The following FMNL1 variants were observed in gnomAD, a reference collection of about 807,000 sequenced individuals.
FMNL1 encodes the protein formin like 1, also known as formin-like protein 1.
FMNL1 carries 43 observed loss-of-function variants against 121.3 expected under a neutral mutation model. That is an observed-to-expected ratio of 0.35 (90% CI 0.28 to 0.46). The LOEUF is 0.46. Ranked by LOEUF, FMNL1 falls within the 20% of genes least tolerant of loss-of-function variation. FMNL1 has a pLI of 1.00. For synonymous variants in FMNL1, 613 were observed against 613.5 expected (o/e 1.00, Z 0.01); for missense variants, 1,191 against 1,482.4 (o/e 0.80, Z 3.23).
Position 45,247,060 on chromosome 17 carries a change from G to GC in FMNL1, c.*203dup, listed in dbSNP as rs2043855177. On this transcript the variant is annotated 3_prime_UTR_variant, in exon 27 of 27. Transcript: ENST00000331495. ...GGTGGTCCTCAGCTCGGCTGGCCGGGCAGCCCCTCCTCCGCTGTGGCCCGC... is the reference window on the plus strand; with the variant it reads ...GGTGGTCCTCAGCTCGGCTGGCCGGGCCAGCCCCTCCTCCGCTGTGGCCCGC... 4 of 631,464 alleles carry GC rather than the reference G, an allele frequency of 6.3e-6. No homozygotes were observed. In the East Asian group the frequency reaches 1.1e-4, roughly 17 times the overall value. 39.1% of individuals were successfully genotyped at this position (631,464 alleles called of 1,614,324 possible). A position where few individuals can be genotyped will look rare whatever the true frequency, so the allele number is the denominator to read the frequency against.
intron 2 of FMNL1, among the ~76,000 whole-genome samples, 171 bp downstream of exon 2, chr17:45,230,858 A>C (rs2043422966): frequency 6.6e-6 from 1 of 152,052 alleles, no homozygotes; most frequent in South Asian, 2.1e-4. Context: ...AGGACTCCCA[A>C]ATCCCTTTCT....
intron 17 of FMNL1, 66 bp from the exon 18 acceptor site, chr17:45,243,725 T>G (rs1019042614): frequency 9.7e-6 from 14 of 1,445,842 alleles, no homozygotes; most frequent in African/African-American, 1.4e-5. Context: ...AAGGCAGGGG[T>G]AGCCCTGCTC....
At chr17:45,240,719 CAG>C (rs2043669733) in intron 12 of FMNL1, 94 bp downstream of exon 12, 2 of 1,482,144 alleles carry the variant, frequency 1.3e-6, no homozygotes, top group East Asian at 4.9e-5. Flanking sequence ...GGGCAGCAGA[CAG>C]TGTTATAATT....
rs2043235715 is a variant in FMNL1, at chr17:45,222,028, C to T, written c.-97C>T. 2 of 987,172 alleles carry T rather than the reference C, an allele frequency of 2.0e-6. No individual in the cohort carries two copies. Among genetic ancestry groups the T allele is most frequent in the Non-Finnish European group, 2.5e-6 (2 of 793,094 alleles). 61.2% of individuals were successfully genotyped at this position (987,172 alleles called of 1,614,324 possible). ...CCCCGCCGCCACCGCCAGCCGCTGC[C>T]CCCTCGCCCCCGCCCGGGCCGGGAG... is the stretch of plus-strand genomic sequence containing the variant. On this transcript the variant is annotated 5_prime_UTR_variant, in exon 1 of 27. Coordinates refer to ENST00000331495, the MANE Select transcript of FMNL1 (RefSeq NM_005892.4).
chr17:45,245,212 C>T (rs772234453), intron 21 of FMNL1, 41 bp from the exon 22 acceptor site: 2 of 1,613,378 alleles, frequency 1.2e-6, no homozygotes, highest in South Asian at 1.1e-5. Context: ...AGGGCTGCCT[C>T]TCCGATTCAC....
intron 7 of FMNL1, 88 bp downstream of exon 7, chr17:45,236,332 C>A: frequency 9.0e-7 from 1 of 1,113,438 alleles, no homozygotes; most frequent in Non-Finnish European, 1.3e-6. Flanking sequence ...CTGGGATCCA[C>A]TGTCCCTTTA....
intron 19 of FMNL1, 96 bp from the exon 20 acceptor site, chr17:45,244,723 C>A: frequency 1.5e-6 from 2 of 1,300,064 alleles, no homozygotes; most frequent in Non-Finnish European, 2.1e-6. Context: ...GTGTGTGGGG[C>A]CTGCTCCTTG....
intron 9 of FMNL1, 134 bp from the exon 10 acceptor site, chr17:45,238,430 T>C (rs2043598832): frequency 3.6e-6 from 3 of 843,290 alleles, no homozygotes; most frequent in Non-Finnish European, 5.6e-6. Context: ...GAGTGGAGGT[T>C]TTGAGCAGAA....
chr17:45,226,972 A>G (rs2043341153), intron 1 of FMNL1, among the ~76,000 whole-genome samples: 1 of 152,178 alleles, frequency 6.6e-6, no homozygotes, highest in Admixed American at 6.5e-5. Flanking sequence ...CCAAAGTTTA[A>G]AAAAGGAGGT....
At chr17:45,230,889 T>C (rs924216518) in intron 2 of FMNL1, among the ~76,000 whole-genome samples, 21 of 152,140 alleles carry the variant, frequency 1.4e-4, no homozygotes, top group Admixed American at 2.0e-4. Flanking sequence ...CCAAAAGACC[T>C]TGTGAGTCAC....
chr17:45,245,362 G>A lies in FMNL1; in HGVS notation c.2838G>A (p.Leu946=), dbSNP rs769665918. Residue 946 remains leucine (L), a synonymous_variant, in exon 22 of 27, where the codon CTG becomes CTA. Transcript: ENST00000331495. ...QDDCMVLKEF[L]RANSPTMDKL... Reference sequence around the variant, plus strand: ...ACTGCATGGTGCTCAAGGAGTTCCTGAGGGCCAACTCGCCCACCATGGACA... The same window carrying A: ...ACTGCATGGTGCTCAAGGAGTTCCTAAGGGCCAACTCGCCCACCATGGACA... 1 of 1,614,206 alleles carries A rather than the reference G, an allele frequency of 6.2e-7. No homozygotes were observed. Among genetic ancestry groups the A allele is most frequent in the Admixed American group, 1.7e-5 (1 of 60,030 alleles).
chr17:45,233,213 T>C lies in FMNL1; in HGVS notation c.328-11T>C. On this transcript the variant is annotated splice_polypyrimidine_tract_variant and intron_variant, in intron 3 of 26. Transcript: ENST00000331495. The surrounding 1 kb of genome is among the most constrained non-coding windows in gnomAD (Gnocchi z 4.1). ...CTCCACCCACCAGCCTTCCCTGTTCTCGGTCCCCAGTTTAAGAGGCGAGTT... is the reference window on the plus strand; with the variant it reads ...CTCCACCCACCAGCCTTCCCTGTTCCCGGTCCCCAGTTTAAGAGGCGAGTT... 1 of 1,553,798 alleles carries C rather than the reference T, an allele frequency of 6.4e-7. No homozygotes were observed. Among genetic ancestry groups the C allele is most frequent in the Non-Finnish European group, 8.7e-7 (1 of 1,148,318 alleles).
At chr17:45,244,684 G>A (rs1598212247) in intron 19 of FMNL1, 135 bp from the exon 20 acceptor site, 5 of 852,386 alleles carry the variant, frequency 5.9e-6, no homozygotes, top group Non-Finnish European at 7.4e-6. Context: ...GGATCTGAGG[G>A]GCCTGTGCAG....
chr17:45,235,749 A>G (rs767278417), intron 6 of FMNL1, among the ~76,000 whole-genome samples: 2 of 152,198 alleles, frequency 1.3e-5, no homozygotes, highest in Non-Finnish European at 2.9e-5. Flanking sequence ...TAAGTGACTT[A>G]TCCAGTAAAT....
chr17:45,246,801 C>A, intron 26 of FMNL1, 66 bp from the exon 27 acceptor site: 1 of 700,164 alleles, frequency 1.4e-6, no homozygotes, highest in Non-Finnish European at 2.6e-6. Flanking sequence ...AGCTTTGTGC[C>A]CTGGAGCCAT....
At position 45,222,119 on chromosome 17, in the gene FMNL1, AC is replaced by A; in HGVS notation, c.-4del. 8.6e-7 allele frequency: 1 copy of A among 1,157,902 alleles called. No individual in the cohort carries two copies. The allele number at this position is 1,157,902 out of a possible 1,614,324, so 71.7% of individuals were successfully genotyped here. ...GAGGCGCCTGGCCGGCTGGGTGGGG[AC>A]CACCATGGGCAACGCGGCCGGCAGC... On this transcript the variant is annotated 5_prime_UTR_variant, in exon 1 of 27. Coordinates refer to ENST00000331495, the MANE Select transcript of FMNL1 (RefSeq NM_005892.4).
rs758575109 is a variant in FMNL1 at position 45,246,598 on chromosome 17, C to A, written c.*2C>A. On this transcript the variant is annotated 3_prime_UTR_variant, in exon 26 of 27. Coordinates refer to ENST00000331495, the MANE Select transcript of FMNL1 (RefSeq NM_005892.4). The stretch of plus-strand genomic sequence containing the variant: ...CTGGGAGAAGAGATGCCCCTCTAGC[C>A]CCTCAGGTACCCAGATGACCTGGCC... The A allele has an allele frequency of 3.1e-6, 5 of 1,591,736 alleles. No homozygotes were observed. Among genetic ancestry groups the A allele is most frequent in the Non-Finnish European group, 4.3e-6 (5 of 1,166,580 alleles).
chr17:45,247,136 C>A lies in FMNL1; in HGVS notation c.*278C>A, dbSNP rs1329670318. The A allele has an allele frequency of 1.7e-6, 1 of 586,572 alleles. No homozygotes were observed. Among genetic ancestry groups the A allele is most frequent in the East Asian group, 2.8e-5 (1 of 35,862 alleles). The allele number at this position is 586,572 out of a possible 1,614,324, so 36.3% of individuals were successfully genotyped here. A position where few individuals can be genotyped will look rare whatever the true frequency, so the allele number is the denominator to read the frequency against. On this transcript the variant is annotated 3_prime_UTR_variant, in exon 27 of 27. Coordinates refer to ENST00000331495, the MANE Select transcript of FMNL1 (RefSeq NM_005892.4). ...CTTGGCCACAGAGGGCAGCATCGCC[C>A]GCCCCTTCCCCCAAATGCTGCTTGC...
At chr17:45,240,772 C>A in intron 12 of FMNL1, 147 bp downstream of exon 12, 1 of 1,201,244 alleles carries the variant, frequency 8.3e-7, no homozygotes, top group Non-Finnish European at 1.1e-6. Flanking sequence ...AGAGCCTGGC[C>A]TGAATCCAAA....
Sources: allele counts gnomAD v4.1 joint callset (sites outside exome capture counted in the v4.1 genomes callset), GRCh38; gene constraint gnomAD v4.1.1; non-coding constraint Gnocchi (gnomAD v3.1); transcripts MANE v1.5; gene names NCBI Gene and HGNC (gene_info 2026-07-23, HGNC 2026-07-21).